The following SLC25A40 variants were observed in gnomAD, a reference collection of about 807,000 sequenced individuals.
SLC25A40 encodes the protein mitochondrial glutathione transporter SLC25A40.
Under a neutral mutation model 46.5 loss-of-function variants are expected in SLC25A40, and 41 were observed. That is an observed-to-expected ratio of 0.88 (90% CI 0.69 to 1.14). The LOEUF (loss-of-function observed/expected upper bound fraction) is 1.14, where lower values mean the gene tolerates loss of function less well. SLC25A40 is among the 50% of genes most tolerant of loss of function. SLC25A40 has a pLI of 0.00. For missense variants in SLC25A40, 386 were observed against 393.6 expected (o/e 0.98, Z 0.16); for synonymous variants, 126 against 127.5 (o/e 0.99, Z 0.08).
At chr7:87,862,504 T>G (rs951560390) in intron 1 of SLC25A40, among the ~76,000 whole-genome samples, 1 of 152,158 alleles carries the variant, frequency 6.6e-6, no homozygotes, top group Non-Finnish European at 1.5e-5. Flanking sequence ...ATAACAAAAT[T>G]CACTTAACCA....
chr7:87,839,257 A>G (rs1301520793), intron 10 of SLC25A40, among the ~76,000 whole-genome samples: 2 of 151,646 alleles, frequency 1.3e-5, no homozygotes, highest in Admixed American at 6.6e-5. Context: ...TTTGGCAAGT[A>G]TAACCATTTT....
At chr7:87,870,951 C>T (rs75208564) in intron 1 of SLC25A40, among the ~76,000 whole-genome samples, 4,247 of 152,262 alleles carry the variant, frequency 0.028, 59 homozygotes, top group Middle Eastern at 0.048. Flanking sequence ...GCTGCTAACA[C>T]TTAAGCTGTC....
chr7:87,849,684 G>C (rs896000935), intron 6 of SLC25A40, among the ~76,000 whole-genome samples, 197 bp downstream of exon 6: 2 of 152,142 alleles, frequency 1.3e-5, no homozygotes, highest in Non-Finnish European at 2.9e-5. Flanking sequence ...CCGTATCTGT[G>C]AATGTAACCT....
intron 8 of SLC25A40, 115 bp from the exon 9 acceptor site, chr7:87,843,978 T>C (rs936033426): frequency 2.2e-6 from 3 of 1,354,210 alleles, no homozygotes; most frequent in African/African-American, 3.0e-5. Flanking sequence ...TTGACATACC[T>C]TGCTTTCTAC....
At chr7:87,847,208 G>T in intron 7 of SLC25A40, 86 bp from the exon 8 acceptor site, 1 of 1,039,706 alleles carries the variant, frequency 9.6e-7, no homozygotes, top group Non-Finnish European at 1.3e-6. Flanking sequence ...AATATTCACA[G>T]ATTTTATATT....
rs1003707344 is a variant in SLC25A40 at position 87,853,075 on chromosome 7, T to C, written c.264+1129A>G. Reference sequence around the variant, plus strand: ...ACAAACTAGAAGTGGAAAAAAATATTTGCAAACCACACATTCAACAAAATA... The same window carrying C: ...ACAAACTAGAAGTGGAAAAAAATATCTGCAAACCACACATTCAACAAAATA... On this transcript the variant is annotated intron_variant, in intron 5 of 11. Coordinates refer to ENST00000341119, the MANE Select transcript of SLC25A40 (RefSeq NM_018843.4). 8.5e-5 allele frequency among the ~76,000 whole-genome samples: 13 copies of C among 152,270 alleles called. No individual in the cohort carries two copies. The East Asian group carries it at 2.1e-3, about 25-fold the overall frequency.
chr7:87,850,231 TAAGA>T (rs1290589180), intron 5 of SLC25A40, among the ~76,000 whole-genome samples: 1 of 152,158 alleles, frequency 6.6e-6, no homozygotes, highest in Non-Finnish European at 1.5e-5. Flanking sequence ...AAGATTATTA[TAAGA>T]AAGGAAGTAG....
Position 87,856,304 on chromosome 7 carries a change from G to A in SLC25A40, c.145C>T (p.Pro49Ser). Residue 49 changes from proline (P) to serine (S), a missense_variant, in exon 4 of 12, where the codon CCA becomes TCA. Pro to Ser is a moderately conservative substitution (Grantham distance 74, BLOSUM62 -1). Transcript: ENST00000341119. The stretch of plus-strand genomic sequence containing the variant: ...TTAGTACACATACCTTTGGGGAGTG[G>A]GTTGTTTTGGGCTTGGAGTCTAATT... ...VKIRLQAQNNPLPKGKCFVYS... is the reference protein window; with the variant it reads ...VKIRLQAQNNSLPKGKCFVYS... 1 of 1,612,554 alleles carries A rather than the reference G, an allele frequency of 6.2e-7. No homozygotes were observed. The highest frequency in any genetic ancestry group is 2.2e-5 in the East Asian group (1 of 44,788).
At chr7:87,855,345 T>A (rs188655753) in intron 4 of SLC25A40, among the ~76,000 whole-genome samples, 85 of 152,290 alleles carry the variant, frequency 5.6e-4, no homozygotes, top group African/African-American at 1.9e-3. Context: ...AATTTTTTTT[T>A]AAATGTCATT....
At position 87,835,888 on chromosome 7, in the gene SLC25A40, C is replaced by T; in HGVS notation, c.*361G>A. ...GGGCTTTTTTCTTCTAGACTATGTA[C>T]ATCATTCAGCACACAATTCAAAAAG... On this transcript the variant is annotated 3_prime_UTR_variant, in exon 12 of 12. Transcript: ENST00000341119. 5.8e-6 allele frequency: 1 copy of T among 172,746 alleles called. No homozygotes were observed. Among genetic ancestry groups the T allele is most frequent in the Non-Finnish European group, 1.2e-5 (1 of 82,152 alleles). 10.7% of individuals were successfully genotyped at this position (172,746 alleles called of 1,614,324 possible).
At chr7:87,840,539 A>C (rs1241996432) in intron 10 of SLC25A40, among the ~76,000 whole-genome samples, 1 of 151,802 alleles carries the variant, frequency 6.6e-6, no homozygotes, top group Non-Finnish European at 1.5e-5. Context: ...AATTACACCA[A>C]AAAGAAATTG....
intron 6 of SLC25A40, 38 bp downstream of exon 6, chr7:87,849,843 T>A: frequency 7.3e-7 from 1 of 1,377,066 alleles, no homozygotes; most frequent in Non-Finnish European, 1.0e-6. Flanking sequence ...AAAATAACAA[T>A]CATTATTTAG....
chr7:87,842,101 G>A (rs1463856298), intron 9 of SLC25A40: 4 of 284,206 alleles, frequency 1.4e-5, no homozygotes, highest in East Asian at 1.2e-4. Context: ...AGTATCTAGT[G>A]AGCATTTAAA....
intron 2 of SLC25A40, among the ~76,000 whole-genome samples, chr7:87,859,245 G>A (rs1356384127): frequency 6.6e-6 from 1 of 152,054 alleles, no homozygotes; most frequent in Non-Finnish European, 1.5e-5. Context: ...ATGAGGTCGG[G>A]AGATCGAGAC....
At chr7:87,850,036 T>C (rs1209485956) in intron 5 of SLC25A40, 88 bp from the exon 6 acceptor site, 31 of 804,328 alleles carry the variant, frequency 3.9e-5, no homozygotes, top group Non-Finnish European at 5.6e-5. Context: ...AATTTCATTC[T>C]TTCAGGTATT....
At chr7:87,850,792 T>G (rs1472130580) in intron 5 of SLC25A40, among the ~76,000 whole-genome samples, 1 of 144,894 alleles carries the variant, frequency 6.9e-6, no homozygotes, top group African/African-American at 2.5e-5. Context: ...AAAAGAAAAA[T>G]AGAAAAAGGA....
intron 5 of SLC25A40, 21 bp from the exon 6 acceptor site, chr7:87,849,969 A>G (rs1261604589): frequency 6.8e-7 from 1 of 1,473,370 alleles, no homozygotes. Context: ...AATAGAAAAA[A>G]AGTAATCAAA....
At chr7:87,862,731 A>T (rs577446760) in intron 1 of SLC25A40, among the ~76,000 whole-genome samples, 67 of 152,336 alleles carry the variant, frequency 4.4e-4, no homozygotes, top group Non-Finnish European at 6.6e-4. Context: ...TTAACAAATA[A>T]AAGTGTTTTA....
At chr7:87,863,087 T>C (rs549662454) in intron 1 of SLC25A40, among the ~76,000 whole-genome samples, 1 of 152,314 alleles carries the variant, frequency 6.6e-6, no homozygotes, top group African/African-American at 2.4e-5. Context: ...ATATATTGCC[T>C]CTTCTGTAGT....
Sources: gnomAD v4.1 joint callset for allele counts (sites outside exome capture counted in the v4.1 genomes callset) on GRCh38, gnomAD v4.1.1 for gene constraint, MANE v1.5 for transcripts, NCBI Gene and HGNC (gene_info 2026-07-23, HGNC 2026-07-21) for gene names.